Variants in WDR19 observed in about 807,000 individuals in gnomAD.
WDR19 encodes WD repeat domain 19, also known as WD repeat-containing protein 19.
In WDR19, 121 loss-of-function variants were observed where a neutral mutation model predicts 180.0. The observed-to-expected ratio is 0.67, with a 90% confidence interval of 0.58 to 0.78. The LOEUF (loss-of-function observed/expected upper bound fraction) is 0.78. WDR19 is among the 30% of genes least tolerant of loss of function. The pLI, the probability that WDR19 is intolerant of heterozygous loss-of-function variation, is 0.00. For synonymous variants in WDR19, 497 were observed against 540.7 expected (o/e 0.92, Z 1.12); for missense variants, 1,450 against 1,640.7 (o/e 0.88, Z 2.01).
chr4:39,252,160 A>G (rs1055801943), intron 24 of WDR19, among the ~76,000 whole-genome samples: 9 of 152,050 alleles, frequency 5.9e-5, no homozygotes, highest in Middle Eastern at 3.4e-3. Context: ...CATATACATC[A>G]TGGAATACTA....
intron 25 of WDR19, 21 bp downstream of exon 25, chr4:39,253,313 T>C (rs776780949): frequency 3.1e-6 from 5 of 1,595,632 alleles, no homozygotes; most frequent in Non-Finnish European, 4.3e-6. Context: ...ACATTAATAT[T>C]TTTGGACTTT....
intron 27 of WDR19, 102 bp from the exon 28 acceptor site, chr4:39,257,384 T>C (rs1404845441): frequency 3.6e-6 from 4 of 1,113,642 alleles, no homozygotes; most frequent in Non-Finnish European, 5.2e-6. Flanking sequence ...GAAGATACTT[T>C]CACAGACTGT....
chr4:39,283,606 C>T (rs1325008112), intron 36 of WDR19, among the ~76,000 whole-genome samples: 11 of 152,022 alleles, frequency 7.2e-5, no homozygotes, highest in African/African-American at 2.7e-4. Flanking sequence ...TATATATACA[C>T]ACACACACAA....
At chr4:39,233,751 G>A (rs947107476) in intron 19 of WDR19, among the ~76,000 whole-genome samples, 1 of 152,204 alleles carries the variant, frequency 6.6e-6, no homozygotes, top group Admixed American at 6.5e-5. Flanking sequence ...GACACCCTGA[G>A]AAGTTTTCAA....
In WDR19 at chr4:39,220,633, C is replaced by G. The variant is rs1293993219; in HGVS notation, c.1479+2528C>G. On this transcript the variant is annotated intron_variant, in intron 14 of 36. Transcript: ENST00000399820. ...CCATGCAATTCTCTGCCTCAGCCTC[C>G]CTAGTAGCTGGGATTACAGGTACCC... Among the ~76,000 whole-genome samples, 3 of 128,752 alleles carry G rather than the reference C, an allele frequency of 2.3e-5. No homozygotes were observed. The East Asian group carries it at 6.9e-4, about 29-fold the overall frequency. The allele number at this position is 128,752 out of a possible 152,430, so 84.5% of individuals were successfully genotyped here.
intron 21 of WDR19, among the ~76,000 whole-genome samples, chr4:39,243,347 C>T (rs1425118785): frequency 6.6e-6 from 1 of 152,050 alleles, no homozygotes; most frequent in Non-Finnish European, 1.5e-5. Flanking sequence ...TTATCTCTAC[C>T]AATTTTATAA....
rs181374754 is a variant in WDR19, at chr4:39,282,328, C to G, written c.*14-3159C>G. Among the ~76,000 whole-genome samples the G allele has an allele frequency of 1.6e-4, 25 of 152,268 alleles. No individual in the cohort carries two copies. In the East Asian group the frequency reaches 3.7e-3, roughly 22 times the overall value. On this transcript the variant is annotated intron_variant, in intron 36 of 36. Transcript: ENST00000399820. ...ACTGACATCTTTAACAGCAGTCTGCCAATCTATGAATATGGTATATCTCTA... is the reference window on the plus strand; with the variant it reads ...ACTGACATCTTTAACAGCAGTCTGCGAATCTATGAATATGGTATATCTCTA...
intron 2 of WDR19, 95 bp downstream of exon 2, chr4:39,185,912 T>TTAAA: frequency 1.8e-6 from 2 of 1,120,130 alleles, no homozygotes; most frequent in Non-Finnish European, 2.5e-6. Flanking sequence ...GTTTTTTTTT[T>TTAAA]TTAAATGGAG....
chr4:39,185,140 A>G (rs1725379560), intron 1 of WDR19, among the ~76,000 whole-genome samples: 1 of 152,232 alleles, frequency 6.6e-6, no homozygotes, highest in African/African-American at 2.4e-5. Flanking sequence ...TGTGGTTTGT[A>G]GCCTCCATAT....
At chr4:39,279,177 G>T (rs1002032210) in intron 36 of WDR19, among the ~76,000 whole-genome samples, 1 of 152,208 alleles carries the variant, frequency 6.6e-6, no homozygotes, top group African/African-American at 2.4e-5. Flanking sequence ...CTTTAATTGA[G>T]AAGCCAAAAG....
chr4:39,221,557 TC>T (rs1729707516), intron 14 of WDR19, among the ~76,000 whole-genome samples: 1 of 152,202 alleles, frequency 6.6e-6, no homozygotes, highest in South Asian at 2.1e-4. Context: ...ATGCCTGTAA[TC>T]CCAGCACTTT....
intron 28 of WDR19, among the ~76,000 whole-genome samples, chr4:39,265,017 A>G (rs2109479349): frequency 6.6e-6 from 1 of 150,986 alleles, no homozygotes; most frequent in African/African-American, 2.4e-5. Context: ...TCCCAGGTTC[A>G]AGCCGATTCT....
chr4:39,248,645 G>C (rs1379529754), intron 24 of WDR19, among the ~76,000 whole-genome samples: 1 of 152,078 alleles, frequency 6.6e-6, no homozygotes, highest in African/African-American at 2.4e-5. Flanking sequence ...TCAAAATAAA[G>C]GGATGGAGGA....
chr4:39,240,760 G>A (rs1016116340), intron 21 of WDR19, among the ~76,000 whole-genome samples: 9 of 151,846 alleles, frequency 5.9e-5, no homozygotes, highest in Non-Finnish European at 7.4e-5. Context: ...GACCAGCCTG[G>A]CCAATATGGT....
rs569141928 is a variant in WDR19 at position 39,274,753 on chromosome 4, A to G, written c.3566-55A>G. The G allele has an allele frequency of 6.1e-5, 96 of 1,585,888 alleles. No individual in the cohort carries two copies. The African/African-American group carries it at 1.1e-3, about 19-fold the overall frequency. On this transcript the variant is annotated intron_variant, in intron 32 of 36. Coordinates refer to ENST00000399820, the MANE Select transcript of WDR19 (RefSeq NM_025132.4). ...AGAACCAGGGTGGAATCCCGCCTGTATCACTGAGGACAGCAGACACTGTGC... is the reference window on the plus strand; with the variant it reads ...AGAACCAGGGTGGAATCCCGCCTGTGTCACTGAGGACAGCAGACACTGTGC...
rs11392579 is a variant in WDR19, at chr4:39,195,395, C to CA, written c.406+745dup. Among the ~76,000 whole-genome samples, 773 of 139,264 alleles carry CA rather than the reference C, an allele frequency of 5.6e-3. 12 individuals carry two copies. Among genetic ancestry groups the CA allele is most frequent in the African/African-American group, 0.021 (704 of 34,018 alleles). 91.4% of individuals were successfully genotyped at this position (139,264 alleles called of 152,430 possible). On this transcript the variant is annotated intron_variant, in intron 5 of 36. Coordinates refer to ENST00000399820, the MANE Select transcript of WDR19 (RefSeq NM_025132.4). ...AAAAAAAAACAAAAAAACAAACAAA[C>CA]AAAAAAAAACATTTACTGCTTGGAT...
chr4:39,273,255 A>G (rs1294027212), intron 32 of WDR19, 194 bp downstream of exon 32: 2 of 541,276 alleles, frequency 3.7e-6, no homozygotes, highest in Non-Finnish European at 6.4e-6. Context: ...TACAAGAGTC[A>G]ACACACAGTA....
chr4:39,186,271 G>A (rs1392624584), intron 2 of WDR19, among the ~76,000 whole-genome samples: 4 of 152,094 alleles, frequency 2.6e-5, no homozygotes, highest in Non-Finnish European at 5.9e-5. Context: ...CTTGAGGCCA[G>A]GAGTTTGAGA....
chr4:39,224,414 T>C (rs1031382765), intron 14 of WDR19, among the ~76,000 whole-genome samples: 4 of 152,166 alleles, frequency 2.6e-5, no homozygotes, highest in African/African-American at 9.7e-5. Flanking sequence ...AGAGTCTCGC[T>C]GTATTGCCCA....
Sources: allele counts gnomAD v4.1 joint callset (sites outside exome capture counted in the v4.1 genomes callset), GRCh38; gene constraint gnomAD v4.1.1; transcripts MANE v1.5; gene names NCBI Gene and HGNC (gene_info 2026-07-23, HGNC 2026-07-21).